The following PLD1 variants were observed in gnomAD, a reference collection of about 807,000 sequenced individuals.
PLD1 encodes the protein phospholipase D1, also known as choline phosphatase 1.
Under a neutral mutation model 137.1 loss-of-function variants are expected in PLD1, and 112 were observed. That is an observed-to-expected ratio of 0.82 (90% CI 0.70 to 0.96). The LOEUF is 0.96. PLD1 is among the 40% of genes least tolerant of loss of function. PLD1 has a pLI of 0.00. For missense variants in PLD1, 1,321 were observed against 1,342.0 expected (o/e 0.98, Z 0.24); for synonymous variants, 431 against 454.7 (o/e 0.95, Z 0.66).
intron 1 of PLD1, among the ~76,000 whole-genome samples, chr3:171,781,750 G>C (rs192018561): frequency 9.8e-4 from 150 of 152,286 alleles, no homozygotes; most frequent in African/African-American, 3.3e-3. Context: ...TGCTGGCAAG[G>C]ATACAGAGAC....
At chr3:171,707,780 C>A (rs1235414876) in intron 11 of PLD1, among the ~76,000 whole-genome samples, 1 of 152,112 alleles carries the variant, frequency 6.6e-6, no homozygotes, top group Non-Finnish European at 1.5e-5. Context: ...ATAGGACAGC[C>A]CCCTACAACA....
chr3:171,658,830 A>T (rs1326031847), intron 21 of PLD1, among the ~76,000 whole-genome samples: 1 of 152,250 alleles, frequency 6.6e-6, no homozygotes, highest in Non-Finnish European at 1.5e-5. Context: ...TTAAAAAAAA[A>T]ATCCCATGAG....
intron 6 of PLD1, among the ~76,000 whole-genome samples, chr3:171,727,012 G>A (rs186522878): frequency 1.2e-4 from 19 of 152,212 alleles, no homozygotes; most frequent in Admixed American, 5.9e-4. Context: ...ATACATAAAC[G>A]AATAACTGTG....
chr3:171,788,895 CTG>C (rs1188687840), intron 1 of PLD1: 1 of 152,224 alleles, frequency 6.6e-6, no homozygotes, highest in Non-Finnish European at 1.5e-5. Context: ...GTTAATGAGA[CTG>C]TTTTTTTGAA....
chr3:171,765,758 A>T (rs114801107), intron 1 of PLD1, among the ~76,000 whole-genome samples: 714 of 152,280 alleles, frequency 4.7e-3, no homozygotes, highest in Middle Eastern at 0.01. Context: ...CCTTCTAAGG[A>T]TTGTCTTGGT....
At chr3:171,656,529 A>G (rs538520723) in intron 21 of PLD1, among the ~76,000 whole-genome samples, 2 of 152,374 alleles carry the variant, frequency 1.3e-5, no homozygotes, top group South Asian at 4.1e-4. Context: ...GTAAAGAAAA[A>G]TATTCTTTCA....
chr3:171,808,255 G>T (rs1723937470), intron 1 of PLD1, among the ~76,000 whole-genome samples: 4 of 152,192 alleles, frequency 2.6e-5, no homozygotes, highest in Admixed American at 2.6e-4. Flanking sequence ...AAAAAAATAG[G>T]GTCGGGTGCA....
intron 1 of PLD1, among the ~76,000 whole-genome samples, chr3:171,767,988 T>G (rs2108324791): frequency 6.6e-6 from 1 of 150,688 alleles, no homozygotes; most frequent in Admixed American, 6.6e-5. Flanking sequence ...TGACTGCACT[T>G]AGGAAATGAC....
chr3:171,670,440 G>A (rs550606566), intron 19 of PLD1, among the ~76,000 whole-genome samples: 1 of 152,220 alleles, frequency 6.6e-6, no homozygotes, highest in Non-Finnish European at 1.5e-5. Context: ...GCTAAGCAAG[G>A]GCCTGAAGCT....
At chr3:171,724,933 T>G in intron 7 of PLD1, 145 bp from the exon 8 acceptor site, 2 of 655,292 alleles carry the variant, frequency 3.1e-6, no homozygotes, top group South Asian at 1.7e-5. Flanking sequence ...CTCAACTAGC[T>G]CAGTGCCCTG....
At position 171,623,312 on chromosome 3, in the gene PLD1, A is replaced by ATTT. The variant is rs760981558; in HGVS notation, c.2594-2793_2594-2792insAAA. On this transcript the variant is annotated intron_variant, in intron 23 of 26. Coordinates refer to ENST00000351298, the MANE Select transcript of PLD1 (RefSeq NM_002662.5). ...AGCTATGAGTCATTAGCCCTATCAG[A>ATTT]CTTTTTTTTTTTTTTTTTTTGAGAT... Among the ~76,000 whole-genome samples the ATTT allele has an allele frequency of 1.3e-4, 18 of 138,968 alleles. 1 individual carries two copies. Among genetic ancestry groups the ATTT allele is most frequent in the African/African-American group, 3.3e-4 (12 of 36,392 alleles). 91.2% of individuals were successfully genotyped at this position (138,968 alleles called of 152,430 possible).
intron 21 of PLD1, among the ~76,000 whole-genome samples, chr3:171,649,045 G>C (rs962403343): frequency 5.3e-5 from 8 of 152,080 alleles, no homozygotes; most frequent in African/African-American, 1.9e-4. Flanking sequence ...AATCTTACAA[G>C]TGGTATTGCT....
chr3:171,640,919 T>C (rs765541187), intron 23 of PLD1, among the ~76,000 whole-genome samples: 10 of 152,234 alleles, frequency 6.6e-5, no homozygotes, highest in Non-Finnish European at 1.3e-4. Context: ...TGATGCTAAA[T>C]AAATGTTGCT....
At chr3:171,738,235 G>T (rs544848552) in intron 1 of PLD1, among the ~76,000 whole-genome samples, 153 bp from the exon 2 acceptor site, 1 of 150,988 alleles carries the variant, frequency 6.6e-6, no homozygotes, top group Non-Finnish European at 1.5e-5. Context: ...TTTAGTTTAC[G>T]TTCCTGTTTA....
At chr3:171,792,595 C>G in intron 1 of PLD1, 2 of 456,718 alleles carry the variant, frequency 4.4e-6, no homozygotes, top group South Asian at 3.1e-5. Flanking sequence ...CCCAGACTGG[C>G]TGAGGCTGAT....
chr3:171,630,190 A>AT (rs1275177379), intron 23 of PLD1, among the ~76,000 whole-genome samples: 13 of 150,408 alleles, frequency 8.6e-5, no homozygotes, highest in Non-Finnish European at 1.8e-4. Flanking sequence ...AACCCCATCA[A>AT]AAAGTGGGCA....
intron 16 of PLD1, among the ~76,000 whole-genome samples, chr3:171,685,369 A>T (rs991280522): frequency 3.3e-5 from 5 of 152,206 alleles, no homozygotes; most frequent in Non-Finnish European, 7.3e-5. Flanking sequence ...TCTGCTAAAC[A>T]GGACATGAGA....
At chr3:171,646,936 T>G (rs1292972096) in intron 21 of PLD1, among the ~76,000 whole-genome samples, 2 of 152,204 alleles carry the variant, frequency 1.3e-5, no homozygotes, top group African/African-American at 4.8e-5. Context: ...GGGCCTCCAG[T>G]GAATCCCACT....
chr3:171,708,078 C>A (rs1212902085), intron 11 of PLD1, among the ~76,000 whole-genome samples: 2 of 152,176 alleles, frequency 1.3e-5, no homozygotes, highest in Non-Finnish European at 2.9e-5. Flanking sequence ...CCATATCCAT[C>A]GTAGCCAGTG....
Sources: gnomAD v4.1 joint callset for allele counts (sites outside exome capture counted in the v4.1 genomes callset) on GRCh38, gnomAD v4.1.1 for gene constraint, MANE v1.5 for transcripts, NCBI Gene and HGNC (gene_info 2026-07-23, HGNC 2026-07-21) for gene names.